SH3GL3: variants seen among roughly 807,000 people sequenced by gnomAD.
SH3GL3 encodes the protein endophilin-A3.
In SH3GL3, 33 loss-of-function variants were observed where a neutral mutation model predicts 47.7. That is an observed-to-expected ratio of 0.69 (90% CI 0.52 to 0.92). The LOEUF is 0.92. Among genes scored for constraint, SH3GL3 ranks in the 40% least tolerant of loss-of-function variants. The probability of loss-of-function intolerance (pLI) is 0.00; values close to 1 mark genes in which losing one functional copy is unlikely to be tolerated. For synonymous variants in SH3GL3, 155 were observed against 148.8 expected (o/e 1.04, Z -0.30); for missense variants, 363 against 417.8 (o/e 0.87, Z 1.14).
chr15:83,520,283 C>A (rs1235278952), intron 1 of SH3GL3, among the ~76,000 whole-genome samples: 3 of 152,158 alleles, frequency 2.0e-5, no homozygotes, highest in Admixed American at 6.5e-5. Flanking sequence ...GACACTATAT[C>A]TTCTAAGACT....
chr15:83,456,122 G>C lies in SH3GL3; in HGVS notation c.45+8544G>C, dbSNP rs1378710343. On this transcript the variant is annotated intron_variant, in intron 1 of 8. Transcript: ENST00000427482. Reference sequence around the variant, plus strand: ...GGGTGCCTCCCAGTTAGGCTGCTCGGGGGTCAGGGGTCAGGGACCCACTTG... The same window carrying C: ...GGGTGCCTCCCAGTTAGGCTGCTCGCGGGTCAGGGGTCAGGGACCCACTTG... Among the ~76,000 whole-genome samples, 7 of 87,258 alleles carry C rather than the reference G, an allele frequency of 8.0e-5. 2 individuals are homozygous for C. 57.2% of individuals were successfully genotyped at this position (87,258 alleles called of 152,430 possible).
chr15:83,630,738 CAAGA>C, the SH3GL3 span, among the ~76,000 whole-genome samples: 1 of 152,156 alleles, frequency 6.6e-6, no homozygotes, highest in Non-Finnish European at 1.5e-5. Context: ...CGGTCCCTCC[CAAGA>C]CATGTGGGCA....
chr15:83,610,953 T>C (rs2060644291), intron 8 of SH3GL3, among the ~76,000 whole-genome samples: 1 of 151,056 alleles, frequency 6.6e-6, no homozygotes, highest in Non-Finnish European at 1.5e-5. Flanking sequence ...AAGTAACCCT[T>C]TGCAGCAGCA....
chr15:83,464,466 G>A (rs1434656980), intron 1 of SH3GL3, among the ~76,000 whole-genome samples: 4 of 152,098 alleles, frequency 2.6e-5, no homozygotes, highest in African/African-American at 9.7e-5. Flanking sequence ...TAGCCCAGAT[G>A]CTTCTCCTGG....
At chr15:83,600,277 A>G (rs1157039045) in intron 8 of SH3GL3, among the ~76,000 whole-genome samples, 1 of 152,138 alleles carries the variant, frequency 6.6e-6, no homozygotes, top group East Asian at 1.9e-4. Flanking sequence ...GCCAATGTCT[A>G]GAAGAGTTTT....
chr15:83,577,938 C>A (rs1435168198), intron 6 of SH3GL3, among the ~76,000 whole-genome samples: 1 of 152,224 alleles, frequency 6.6e-6, no homozygotes, highest in East Asian at 1.9e-4. Context: ...CCGCTGTCAT[C>A]CCCCAGCTCT....
chr15:83,483,244 T>C (rs1487824544), intron 1 of SH3GL3, among the ~76,000 whole-genome samples: 1 of 152,166 alleles, frequency 6.6e-6, no homozygotes, highest in Admixed American at 6.5e-5. Flanking sequence ...TTTAGCTTTC[T>C]GAAAGGAAGG....
chr15:83,548,278 T>C (rs1247053895), intron 1 of SH3GL3, among the ~76,000 whole-genome samples: 3 of 151,492 alleles, frequency 2.0e-5, no homozygotes, highest in Non-Finnish European at 2.9e-5. Flanking sequence ...GAGCTCTTCA[T>C]TTCTTTCCCT....
intron 8 of SH3GL3, among the ~76,000 whole-genome samples, chr15:83,604,723 C>T (rs979412162): frequency 3.3e-5 from 5 of 152,098 alleles, no homozygotes; most frequent in Non-Finnish European, 5.9e-5. Flanking sequence ...TTTTTAGTCC[C>T]CATTTTACAG....
At chr15:83,450,424 A>G (rs1437365960) in intron 1 of SH3GL3, among the ~76,000 whole-genome samples, 1 of 152,216 alleles carries the variant, frequency 6.6e-6, no homozygotes, top group Non-Finnish European at 1.5e-5. Flanking sequence ...ATCCAGGACC[A>G]TGGCAAACTG....
At chr15:83,533,696 C>T (rs1206467471) in intron 1 of SH3GL3, among the ~76,000 whole-genome samples, 2 of 152,088 alleles carry the variant, frequency 1.3e-5, no homozygotes, top group East Asian at 1.9e-4. Flanking sequence ...AGTCTCTTAC[C>T]CCAGAGTTTC....
intron 1 of SH3GL3, among the ~76,000 whole-genome samples, chr15:83,501,993 A>G (rs1361645385): frequency 6.6e-6 from 1 of 152,254 alleles, no homozygotes; most frequent in Non-Finnish European, 1.5e-5. Flanking sequence ...GGTGTTTTAT[A>G]AATAATGTTA....
chr15:83,527,542 T>C (rs2151668078), intron 1 of SH3GL3, among the ~76,000 whole-genome samples: 1 of 152,322 alleles, frequency 6.6e-6, no homozygotes, highest in Non-Finnish European at 1.5e-5. Context: ...TCCTGCTCAC[T>C]TTTGGTTTCT....
At chr15:83,512,635 A>G (rs2042811657) in intron 1 of SH3GL3, among the ~76,000 whole-genome samples, 1 of 152,104 alleles carries the variant, frequency 6.6e-6, no homozygotes, top group Non-Finnish European at 1.5e-5. Flanking sequence ...GTGGTAGGGC[A>G]GCATCATCGC....
chr15:83,533,361 G>A (rs943786672), intron 1 of SH3GL3, among the ~76,000 whole-genome samples: 2 of 152,148 alleles, frequency 1.3e-5, no homozygotes, highest in Non-Finnish European at 2.9e-5. Context: ...GATGGGTGAG[G>A]GCTGTGCTTT....
chr15:83,604,160 AAAG>A (rs1460217288), intron 8 of SH3GL3, among the ~76,000 whole-genome samples: 1 of 152,192 alleles, frequency 6.6e-6, no homozygotes, highest in Non-Finnish European at 1.5e-5. Flanking sequence ...AGAAAAAAAA[AAAG>A]AAGCTAGGTA....
chr15:83,576,690 A>C lies in SH3GL3; in HGVS notation c.573A>C (p.Glu191Asp), dbSNP rs2059690675. ...TCAGACAAGCGGTAGAAAAATTTGA[A>C]GAGTCAAAGGAGTTGGCTGAAAGAA... ...EEVRQAVEKF[E>D]ESKELAERSM... The change falls in exon 6 of 9, where the codon GAA (glutamate) becomes GAC (aspartate). Residue 191 changes from glutamate to aspartate, a missense_variant. Glu to Asp is a conservative substitution (Grantham distance 45). Coordinates refer to ENST00000427482, the MANE Select transcript of SH3GL3 (RefSeq NM_003027.5). 1 of 1,613,726 alleles carries C rather than the reference A, an allele frequency of 6.2e-7. No homozygotes were observed. Among genetic ancestry groups the C allele is most frequent in the Admixed American group, 1.7e-5 (1 of 59,980 alleles).
chr15:83,591,776 C>T (rs1277254810), intron 8 of SH3GL3, among the ~76,000 whole-genome samples: 2 of 152,216 alleles, frequency 1.3e-5, no homozygotes, highest in Non-Finnish European at 2.9e-5. Context: ...AGCTCCGCCT[C>T]CTGGGTTCAG....
chr15:83,552,493 C>G (rs1230250385), intron 1 of SH3GL3, among the ~76,000 whole-genome samples: 3 of 152,052 alleles, frequency 2.0e-5, no homozygotes, highest in African/African-American at 7.2e-5. Flanking sequence ...TAAAAAACCC[C>G]AAAACCTAAT....
Sources: gnomAD v4.1 joint callset for allele counts (sites outside exome capture counted in the v4.1 genomes callset) on GRCh38, gnomAD v4.1.1 for gene constraint, MANE v1.5 for transcripts, NCBI Gene and HGNC (gene_info 2026-07-23, HGNC 2026-07-21) for gene names.